Variants in CRACD observed in about 807,000 individuals in gnomAD.
The protein encoded by CRACD is capping protein inhibiting regulator of actin dynamics.
Under a neutral mutation model 106.8 loss-of-function variants are expected in CRACD, and 56 were observed. The observed-to-expected ratio is 0.52, with a 90% CI of 0.42 to 0.66. The LOEUF (loss-of-function observed/expected upper bound fraction) is 0.66, where lower values mean the gene tolerates loss of function less well. Among genes scored for constraint, CRACD ranks in the 30% least tolerant of loss-of-function variants. CRACD has a pLI of 0.00. For missense variants in CRACD, 1,730 were observed against 1,623.2 expected, an observed-to-expected ratio of 1.07 and a Z score of -1.13; for synonymous variants, 754 against 670.8, an observed-to-expected ratio of 1.12 and a Z score of -1.92.
chr4:56,182,546 A>T (rs890771943), intron 2 of CRACD, among the ~76,000 whole-genome samples: 1 of 151,984 alleles, frequency 6.6e-6, no homozygotes, highest in Non-Finnish European at 1.5e-5. Context: ...CATGCTGCTT[A>T]TGTGCTACTA....
chr4:56,279,196 C>T (rs571606740), intron 3 of CRACD, among the ~76,000 whole-genome samples: 1 of 152,246 alleles, frequency 6.6e-6, no homozygotes, highest in South Asian at 2.1e-4. Flanking sequence ...TCCGACAATC[C>T]CCAGTGAGAT....
chr4:56,067,454 T>G (rs1047446259), intron 1 of CRACD, among the ~76,000 whole-genome samples: 6 of 152,272 alleles, frequency 3.9e-5, no homozygotes, highest in African/African-American at 1.4e-4. Flanking sequence ...CTTAAAAATC[T>G]AATTCTTTGC....
intron 2 of CRACD, among the ~76,000 whole-genome samples, chr4:56,258,501 G>C (rs1462890532): frequency 5.3e-5 from 8 of 152,236 alleles, no homozygotes; most frequent in Non-Finnish European, 1.2e-4. Context: ...ACTTGTCTCA[G>C]ATACTTTTTG....
rs1404444301 is a variant in CRACD at position 56,298,250 on chromosome 4, C to G, written c.21C>G (p.Ser7=). MGTRAF[S]HDSIFIPDGG... is the part of the protein sequence containing the mutation. ...ATTCTATGGGAACCCGGGCATTTTC[C>G]CATGACAGTATTTTTATCCCTGATG... Residue 7 remains serine, a synonymous_variant, in exon 4 of 11, where the codon TCC becomes TCG. Transcript: ENST00000682029. The G allele has an allele frequency of 6.2e-7, 1 of 1,613,978 alleles. No homozygotes were observed. Among genetic ancestry groups the G allele is most frequent in the African/African-American group, 1.3e-5 (1 of 74,912 alleles).
chr4:56,152,013 CT>C (rs562674319), intron 1 of CRACD, among the ~76,000 whole-genome samples: 145 of 137,748 alleles, frequency 1.1e-3, no homozygotes, highest in East Asian at 2.5e-3. Flanking sequence ...ATAGTTTTTT[CT>C]TTTTTTTTTT....
intron 1 of CRACD, among the ~76,000 whole-genome samples, chr4:56,159,931 G>A (rs920583297): frequency 1.3e-5 from 2 of 150,980 alleles, no homozygotes; most frequent in Non-Finnish European, 2.9e-5. Context: ...ACAGGCATGC[G>A]CCACCACGCC....
chr4:56,182,622 A>G lies in CRACD; in HGVS notation c.-189+3192A>G, dbSNP rs893200323. 2.6e-5 allele frequency among the ~76,000 whole-genome samples: 4 copies of G among 152,048 alleles called. No homozygotes were observed. The East Asian group carries it at 7.7e-4, about 29-fold the overall frequency. Reference sequence around the variant, plus strand: ...GACACAGGGTAGGAGTTGCACACATACGACGTTGCAGTCCCTGTCCAAATT... The same window carrying G: ...GACACAGGGTAGGAGTTGCACACATGCGACGTTGCAGTCCCTGTCCAAATT... On this transcript the variant is annotated intron_variant, in intron 2 of 10. Coordinates refer to ENST00000682029, the MANE Select transcript of CRACD (RefSeq NM_001393381.1).
chr4:56,306,703 T>C lies in CRACD; in HGVS notation c.121-832T>C, dbSNP rs539317147. Among the ~76,000 whole-genome samples, 23 of 152,310 alleles carry C rather than the reference T, an allele frequency of 1.5e-4. 1 individual carries two copies. The East Asian group carries it at 4.3e-3, about 28-fold the overall frequency. ...ACATTTTTGCTTTTCTAATCTGGCCTTCCTCTACTTGCAAATACTATTTAA... is the reference window on the plus strand; with the variant it reads ...ACATTTTTGCTTTTCTAATCTGGCCCTCCTCTACTTGCAAATACTATTTAA... On this transcript the variant is annotated intron_variant, in intron 4 of 10. Transcript: ENST00000682029.
chr4:56,119,859 C>T (rs898698498), intron 1 of CRACD, among the ~76,000 whole-genome samples: 2 of 152,142 alleles, frequency 1.3e-5, no homozygotes, highest in East Asian at 3.9e-4. Context: ...CATATCTGCT[C>T]ATTCTCCCTG....
At chr4:56,145,424 TAGA>T (rs141744305) in intron 1 of CRACD, among the ~76,000 whole-genome samples, 2,612 of 152,282 alleles carry the variant, frequency 0.017, 63 homozygotes, top group African/African-American at 0.059. Flanking sequence ...AGTCCTTAAG[TAGA>T]AGGTTTAGTA....
chr4:56,067,721 G>A lies in CRACD; in HGVS notation c.-336+18422G>A, dbSNP rs190813584. On this transcript the variant is annotated intron_variant, in intron 1 of 10. Coordinates refer to ENST00000682029, the MANE Select transcript of CRACD (RefSeq NM_001393381.1). ...CTCCTGGGTAGCTGGGATTACAGGA[G>A]TGCGCCACCATGTCCAGCTAATTTT... 3.7e-3 allele frequency among the ~76,000 whole-genome samples: 564 copies of A among 152,252 alleles called. 4 individuals carry two copies. Among genetic ancestry groups the A allele is most frequent in the Non-Finnish European group, 6.4e-3 (436 of 68,012 alleles).
intron 4 of CRACD, among the ~76,000 whole-genome samples, chr4:56,303,783 G>T (rs947732339): frequency 3.3e-5 from 5 of 152,212 alleles, no homozygotes; most frequent in Non-Finnish European, 7.3e-5. Flanking sequence ...TCCTGCCCTG[G>T]CCTGGGTCCA....
intron 2 of CRACD, among the ~76,000 whole-genome samples, chr4:56,205,825 C>T (rs910280326): frequency 6.6e-6 from 1 of 152,052 alleles, no homozygotes; most frequent in African/African-American, 2.4e-5. Context: ...ATTTGTTTGT[C>T]ATTTTTAATG....
chr4:56,124,527 T>A (rs1353647154), intron 1 of CRACD, among the ~76,000 whole-genome samples: 1 of 152,238 alleles, frequency 6.6e-6, no homozygotes, highest in Non-Finnish European at 1.5e-5. Context: ...TAATATCTAA[T>A]ATCTAGTCAG....
At chr4:56,246,629 T>G (rs1020852854) in intron 2 of CRACD, 3 of 152,242 alleles carry the variant, frequency 2.0e-5, no homozygotes, top group Non-Finnish European at 4.4e-5. Flanking sequence ...TCCCATGGCA[T>G]GGTGTTTCTG....
At chr4:56,301,626 G>A (rs1014550664) in intron 4 of CRACD, among the ~76,000 whole-genome samples, 1 of 151,878 alleles carries the variant, frequency 6.6e-6, no homozygotes, top group Non-Finnish European at 1.5e-5. Context: ...AGAGACCCAC[G>A]GAAGGGTGTC....
At chr4:56,280,753 G>A (rs1742994662) in intron 3 of CRACD, among the ~76,000 whole-genome samples, 6 of 152,156 alleles carry the variant, frequency 3.9e-5, no homozygotes, top group Admixed American at 3.9e-4. Context: ...CTGTCCCTCA[G>A]ACCTGCTGGA....
At position 56,090,893 on chromosome 4, in the gene CRACD, G is replaced by T. The variant is rs142887026; in HGVS notation, c.-336+41594G>T. ...GAGGTTTGGATCCTGGAGATGGAGTGAAAGTTCTGGCAGTGTTTGGGTTTT... is the reference window on the plus strand; with the variant it reads ...GAGGTTTGGATCCTGGAGATGGAGTTAAAGTTCTGGCAGTGTTTGGGTTTT... On this transcript the variant is annotated intron_variant, in intron 1 of 10. Transcript: ENST00000682029. 7.2e-5 allele frequency among the ~76,000 whole-genome samples: 11 copies of T among 152,270 alleles called. No homozygotes were observed. In the South Asian group the frequency reaches 1.0e-3, roughly 14 times the overall value.
chr4:56,281,730 C>T (rs772136518), intron 3 of CRACD, among the ~76,000 whole-genome samples: 1 of 152,120 alleles, frequency 6.6e-6, no homozygotes, highest in African/African-American at 2.4e-5. Flanking sequence ...TCTTTCTCCA[C>T]ATGGGGAAAC....
Sources: gnomAD v4.1 joint callset for allele counts (sites outside exome capture counted in the v4.1 genomes callset) on GRCh38, gnomAD v4.1.1 for gene constraint, MANE v1.5 for transcripts, NCBI Gene and HGNC (gene_info 2026-07-23, HGNC 2026-07-21) for gene names.